The following CFAP299 variants were observed in gnomAD, a reference collection of about 807,000 sequenced individuals.
CFAP299 encodes the protein cilia and flagella associated protein 299, also known as cilia- and flagella-associated protein 299.
Under a neutral mutation model 27.0 loss-of-function variants are expected in CFAP299, and 21 were observed. The ratio of observed to expected loss-of-function variants is 0.78; its 90% CI spans 0.55 to 1.12. CFAP299 has a LOEUF of 1.12. Ranked by LOEUF, CFAP299 falls within the 50% of genes most tolerant of loss-of-function variation. CFAP299 has a pLI of 0.00. For synonymous variants in CFAP299, 104 were observed against 98.1 expected, an observed-to-expected ratio of 1.06 and a Z score of -0.36; for missense variants, 310 against 276.6, an observed-to-expected ratio of 1.12 and a Z score of -0.86.
chr4:80,565,102 T>A (rs1578606763), intron 2 of CFAP299, among the ~76,000 whole-genome samples: 1 of 152,140 alleles, frequency 6.6e-6, no homozygotes, highest in African/African-American at 2.4e-5. Flanking sequence ...ATAAAATGTT[T>A]ATGTACTCTT....
intron 3 of CFAP299, among the ~76,000 whole-genome samples, chr4:80,731,208 A>G (rs1385426351): frequency 2.0e-5 from 3 of 152,132 alleles, no homozygotes; most frequent in Non-Finnish European, 4.4e-5. Flanking sequence ...TTAACTTCTG[A>G]TGAAAATTTT....
intron 2 of CFAP299, among the ~76,000 whole-genome samples, chr4:80,475,095 G>C (rs1173584857): frequency 2.0e-5 from 3 of 151,434 alleles, no homozygotes; most frequent in Admixed American, 6.6e-5. Flanking sequence ...TGGCCTGTTG[G>C]GGGGTAGTGA....
At chr4:80,331,389 T>G (rs1217916755), upstream of CFAP299, among the ~76,000 whole-genome samples, 4 of 152,158 alleles carry the variant, frequency 2.6e-5, no homozygotes, top group African/African-American at 9.7e-5. Flanking sequence ...GATCCGTGTT[T>G]TTAAGCAAAC....
rs575184809 is a variant in CFAP299, at chr4:80,724,821, TTC to T, written c.333+141640_333+141641del. Among the ~76,000 whole-genome samples, 582 of 151,766 alleles carry T rather than the reference TTC, an allele frequency of 3.8e-3. 1 individual carries two copies. Among genetic ancestry groups the T allele is most frequent in the Non-Finnish European group, 5.2e-3 (353 of 67,972 alleles). On this transcript the variant is annotated intron_variant, in intron 3 of 5. Coordinates refer to ENST00000358105, the MANE Select transcript of CFAP299 (RefSeq NM_152770.3). Reference sequence around the variant, plus strand: ...CTGGATGTTGCTTTCTTCCTTTTTTTTCTTTCTTTTTCTTTATTTCCTTCATT... The same window carrying T: ...CTGGATGTTGCTTTCTTCCTTTTTTTTTTCTTTTTCTTTATTTCCTTCATT...
rs572069845 is a variant in CFAP299 at position 80,916,460 on chromosome 4, T to C, written c.477-28350T>C. ...TAGACAAGTTATTGGGAATCAGTTA[T>C]AAATTTCTGACGCTTGTTTTAAAGC... On this transcript the variant is annotated intron_variant, in intron 4 of 5. Coordinates refer to ENST00000358105, the MANE Select transcript of CFAP299 (RefSeq NM_152770.3). Among the ~76,000 whole-genome samples, 102 of 151,748 alleles carry C rather than the reference T, an allele frequency of 6.7e-4. 2 individuals carry two copies. The South Asian group carries it at 0.016, about 23-fold the overall frequency.
At chr4:80,888,244 C>T (rs569972110) in intron 4 of CFAP299, among the ~76,000 whole-genome samples, 1 of 152,032 alleles carries the variant, frequency 6.6e-6, no homozygotes, top group South Asian at 2.1e-4. Context: ...ACAAGAAACA[C>T]ACTTCACATA....
chr4:80,439,201 T>C (rs1728230431), intron 2 of CFAP299, among the ~76,000 whole-genome samples: 1 of 152,198 alleles, frequency 6.6e-6, no homozygotes, highest in Non-Finnish European at 1.5e-5. Flanking sequence ...ATAGTCATGA[T>C]TGAGGGAATC....
rs975654427 is a variant in CFAP299, at chr4:80,386,805, G to C, written c.242+23921G>C. Reference sequence around the variant, plus strand: ...CCGCAGCTTGTGTGCGTCGATAAAGGGCATTTATATTTCTTGAAGGGCTGG... The same window carrying C: ...CCGCAGCTTGTGTGCGTCGATAAAGCGCATTTATATTTCTTGAAGGGCTGG... On this transcript the variant is annotated intron_variant, in intron 2 of 5. Transcript: ENST00000358105. 1.7e-5 allele frequency: 18 copies of C among 1,052,772 alleles called. No individual in the cohort carries two copies. The Admixed American group carries it at 3.1e-4, about 18-fold the overall frequency. 65.2% of individuals were successfully genotyped at this position (1,052,772 alleles called of 1,614,324 possible). A position where few individuals can be genotyped will look rare whatever the true frequency, so the allele number is the denominator to read the frequency against.
At position 80,667,483 on chromosome 4, in the gene CFAP299, T is replaced by C. The variant is rs148079380; in HGVS notation, c.333+84300T>C. 5.0e-3 allele frequency among the ~76,000 whole-genome samples: 768 copies of C among 152,268 alleles called. 5 individuals carry two copies. Among genetic ancestry groups the C allele is most frequent in the Middle Eastern group, 0.02 (6 of 294 alleles). ...GTATTCATTAATCAACCTCTCTTTA[T>C]TCCCCTCACTTGCCCCTCAACCTTT... On this transcript the variant is annotated intron_variant, in intron 3 of 5. Coordinates refer to ENST00000358105, the MANE Select transcript of CFAP299 (RefSeq NM_152770.3).
intron 2 of CFAP299, among the ~76,000 whole-genome samples, chr4:80,381,379 C>CTTTTTTT (rs1724690877): frequency 5.0e-4 from 3 of 6,032 alleles, no homozygotes; most frequent in African/African-American, 5.9e-4. Context: ...TTAACATATA[C>CTTTTTTT]ATTTTTTTTT....
At chr4:80,619,642 A>G (rs1280892420) in intron 3 of CFAP299, among the ~76,000 whole-genome samples, 1 of 152,124 alleles carries the variant, frequency 6.6e-6, no homozygotes. Flanking sequence ...GTTTGCTGTC[A>G]TCTCCAAACA....
intron 2 of CFAP299, among the ~76,000 whole-genome samples, chr4:80,401,413 C>G (rs2110049894): frequency 6.6e-6 from 1 of 152,290 alleles, no homozygotes; most frequent in South Asian, 2.1e-4. Flanking sequence ...ACTTGGTGCC[C>G]TATGTCTCAG....
At chr4:80,427,483 CTT>C (rs1727581140) in intron 2 of CFAP299, among the ~76,000 whole-genome samples, 1 of 152,084 alleles carries the variant, frequency 6.6e-6, no homozygotes, top group South Asian at 2.1e-4. Flanking sequence ...TATGTGAAGT[CTT>C]CTTAACCTGA....
At chr4:80,667,311 T>C (rs1298172054) in intron 3 of CFAP299, among the ~76,000 whole-genome samples, 1 of 152,224 alleles carries the variant, frequency 6.6e-6, no homozygotes, top group Non-Finnish European at 1.5e-5. Context: ...ATTCATCATC[T>C]TAAATCTTTA....
At chr4:80,348,035 A>C (rs1375051732) in intron 1 of CFAP299, among the ~76,000 whole-genome samples, 1 of 152,238 alleles carries the variant, frequency 6.6e-6, no homozygotes, top group East Asian at 1.9e-4. Flanking sequence ...ACCTGACAAT[A>C]GCAATGGAGA....
intron 3 of CFAP299, among the ~76,000 whole-genome samples, chr4:80,836,260 G>C (rs1730554714): frequency 6.6e-6 from 1 of 151,972 alleles, no homozygotes; most frequent in East Asian, 1.9e-4. Flanking sequence ...ATTTCATACT[G>C]TATTGCTTTC....
intron 3 of CFAP299, among the ~76,000 whole-genome samples, chr4:80,702,748 A>G (rs1721579990): frequency 6.6e-6 from 1 of 151,890 alleles, no homozygotes; most frequent in South Asian, 2.1e-4. Context: ...TATATTAAGC[A>G]TTTCATTCTA....
At chr4:80,947,031 T>C (rs1420859006) in intron 5 of CFAP299, among the ~76,000 whole-genome samples, 1 of 152,218 alleles carries the variant, frequency 6.6e-6, no homozygotes, top group South Asian at 2.1e-4. Context: ...ATGTCATGAA[T>C]TGTAGTTTTT....
intron 2 of CFAP299, among the ~76,000 whole-genome samples, chr4:80,423,320 C>A (rs1727378538): frequency 6.6e-6 from 1 of 152,118 alleles, no homozygotes; most frequent in South Asian, 2.1e-4. Context: ...AAAAATTCAA[C>A]AATTAATAAT....
Sources: allele counts gnomAD v4.1 joint callset (sites outside exome capture counted in the v4.1 genomes callset), GRCh38; gene constraint gnomAD v4.1.1; transcripts MANE v1.5; gene names NCBI Gene and HGNC (gene_info 2026-07-23, HGNC 2026-07-21).